The following ATP1B3 variants were observed in gnomAD, a reference collection of about 807,000 sequenced individuals.
ATP1B3 encodes the protein sodium/potassium-transporting ATPase subunit beta-3.
In ATP1B3, 10 loss-of-function variants were observed where a neutral mutation model predicts 30.2. The ratio of observed to expected loss-of-function variants is 0.33; its 90% confidence interval spans 0.20 to 0.56. The LOEUF is 0.56. ATP1B3 is among the 20% of genes least tolerant of loss of function. The probability of loss-of-function intolerance (pLI) is 0.90; values close to 1 mark genes in which losing one functional copy is unlikely to be tolerated. For missense variants in ATP1B3, 238 were observed against 336.7 expected, an observed-to-expected ratio of 0.71 and a Z score of 2.29; for synonymous variants, 113 against 117.0, an observed-to-expected ratio of 0.97 and a Z score of 0.22.
chr3:141,886,632 C>G (rs879927385), intron 1 of ATP1B3, among the ~76,000 whole-genome samples: 15 of 152,080 alleles, frequency 9.9e-5, no homozygotes, highest in Non-Finnish European at 7.4e-5. Flanking sequence ...ACTCATAGAC[C>G]TAAATTCTAG....
chr3:141,889,399 G>C (rs930679866), intron 1 of ATP1B3, among the ~76,000 whole-genome samples: 12 of 151,892 alleles, frequency 7.9e-5, no homozygotes, highest in Non-Finnish European at 1.8e-4. Flanking sequence ...ACTGAGAAAT[G>C]GAATTGCCAG....
At chr3:141,919,620 T>TA (rs1430947535) in intron 5 of ATP1B3, among the ~76,000 whole-genome samples, 1 of 152,150 alleles carries the variant, frequency 6.6e-6, no homozygotes, top group Non-Finnish European at 1.5e-5. Flanking sequence ...AGTAGGTTCT[T>TA]AGAGTTAGTT....
chr3:141,887,522 A>T (rs1415279072), intron 1 of ATP1B3, among the ~76,000 whole-genome samples: 1 of 152,198 alleles, frequency 6.6e-6, no homozygotes, highest in Non-Finnish European at 1.5e-5. Context: ...AGGTAAATAT[A>T]TACCCACCCC....
chr3:141,919,799 C>T (rs376205038), intron 5 of ATP1B3, among the ~76,000 whole-genome samples: 5 of 152,058 alleles, frequency 3.3e-5, no homozygotes, highest in South Asian at 2.1e-4. Context: ...ATGAGCCTGA[C>T]GTGGTGGCAT....
Position 141,913,980 on chromosome 3 carries a change from A to G in ATP1B3, c.531+144A>G, listed in dbSNP as rs2288634. 79,578 of 741,570 alleles carry G rather than the reference A, an allele frequency of 0.11. 5,037 individuals are homozygous for G. The highest frequency in any genetic ancestry group is 0.18 in the East Asian group (6,446 of 35,216). The allele number at this position is 741,570 out of a possible 1,614,324, so 45.9% of individuals were successfully genotyped here. On this transcript the variant is annotated intron_variant, in intron 4 of 6. Coordinates refer to ENST00000286371, the MANE Select transcript of ATP1B3 (RefSeq NM_001679.4). Reference sequence around the variant, plus strand: ...GGGGTAGCTTGCTTTAAAGACTAGCAGTAATGTTTATTGATCACTGGAAGA... The same window carrying G: ...GGGGTAGCTTGCTTTAAAGACTAGCGGTAATGTTTATTGATCACTGGAAGA...
At position 141,926,341 on chromosome 3, in the gene ATP1B3, T is replaced by C. The variant is rs1490776664; in HGVS notation, c.*640T>C. 6.6e-6 allele frequency: 1 copy of C among 152,192 alleles called. No homozygotes were observed. The highest frequency in any genetic ancestry group is 2.4e-5 in the African/African-American group (1 of 41,460). 9.4% of individuals were successfully genotyped at this position (152,192 alleles called of 1,614,324 possible). A position where few individuals can be genotyped will look rare whatever the true frequency, so the allele number is the denominator to read the frequency against. On this transcript the variant is annotated 3_prime_UTR_variant, in exon 7 of 7. Transcript: ENST00000286371. ...TTTTTAGTGTTGGAACTGCCTCTTA[T>C]TTTAGGCTGTAGATAAAATAGCATT...
At chr3:141,892,956 G>T (rs1054176304) in intron 1 of ATP1B3, among the ~76,000 whole-genome samples, 1 of 152,088 alleles carries the variant, frequency 6.6e-6, no homozygotes, top group Non-Finnish European at 1.5e-5. Context: ...AAACATCTTA[G>T]ATGTTACCAG....
At chr3:141,883,185 T>C (rs1016133887) in intron 1 of ATP1B3, among the ~76,000 whole-genome samples, 1 of 152,194 alleles carries the variant, frequency 6.6e-6, no homozygotes, top group African/African-American at 2.4e-5. Flanking sequence ...GAAAACATCT[T>C]TGAACTCCTC....
At chr3:141,915,763 A>G (rs1190605171) in intron 4 of ATP1B3, among the ~76,000 whole-genome samples, 1 of 152,194 alleles carries the variant, frequency 6.6e-6, no homozygotes, top group Non-Finnish European at 1.5e-5. Context: ...AAATTGCCCC[A>G]GTACAGTAAT....
chr3:141,921,860 G>A, intron 5 of ATP1B3, 117 bp from the exon 6 acceptor site: 1 of 552,660 alleles, frequency 1.8e-6, no homozygotes, highest in Non-Finnish European at 3.2e-6. Flanking sequence ...TAATATAGTT[G>A]GAGCAGCATT....
rs1223999616 is a variant in ATP1B3 at position 141,913,835 on chromosome 3, G to C, written c.530G>C (p.Arg177Thr). Residue 177 changes from arginine (R) to threonine (T), a missense_variant and splice_region_variant, in exon 4 of 7, where the codon AGA (arginine) becomes ACA (threonine). Arg to Thr is a moderately conservative substitution (Grantham distance 71). Coordinates refer to ENST00000286371, the MANE Select transcript of ATP1B3 (RefSeq NM_001679.4). ...GNPCILVKMN[R>T]IIGLKPEGVP... ...CCTTGTATTCTTGTGAAAATGAACAGAGTACGTACATATTTTACCTCTGCT... is the reference window on the plus strand; with the variant it reads ...CCTTGTATTCTTGTGAAAATGAACACAGTACGTACATATTTTACCTCTGCT... 1 of 1,606,606 alleles carries C rather than the reference G, an allele frequency of 6.2e-7. No homozygotes were observed.
intron 1 of ATP1B3, among the ~76,000 whole-genome samples, chr3:141,887,013 A>G (rs1004086162): frequency 2.0e-5 from 3 of 152,226 alleles, no homozygotes; most frequent in African/African-American, 7.2e-5. Context: ...AAAAAAAAGA[A>G]AAAAGACATT....
chr3:141,915,823 C>T, intron 4 of ATP1B3, 147 bp from the exon 5 acceptor site: 5 of 426,778 alleles, frequency 1.2e-5, no homozygotes, highest in Admixed American at 4.1e-5. Context: ...ATTTTAATAC[C>T]CTCAAATAAG....
Position 141,876,691 on chromosome 3 carries a change from A to C in ATP1B3, c.-111A>C, listed in dbSNP as rs1001164271. 5 of 730,836 alleles carry C rather than the reference A, an allele frequency of 6.8e-6. No homozygotes were observed. The highest frequency in any genetic ancestry group is 1.1e-5 in the Non-Finnish European group (5 of 446,560). 45.3% of individuals were successfully genotyped at this position (730,836 alleles called of 1,614,324 possible). ...ACGAGGAGGTGTTCTCGGCCGTCCC[A>C]CCCTTCACTGCCGTCTCCGGGCTGC... On this transcript the variant is annotated 5_prime_UTR_variant, in exon 1 of 7. Transcript: ENST00000286371.
At chr3:141,903,517 T>A (rs1576395459) in intron 1 of ATP1B3, 103 bp from the exon 2 acceptor site, 2 of 1,519,056 alleles carry the variant, frequency 1.3e-6, no homozygotes, top group East Asian at 4.6e-5. Context: ...AAGCTTGGGA[T>A]CGTACCCTTG....
chr3:141,894,648 A>G (rs1577961249), intron 1 of ATP1B3, among the ~76,000 whole-genome samples: 1 of 152,322 alleles, frequency 6.6e-6, no homozygotes, highest in South Asian at 2.1e-4. Flanking sequence ...AGTCAGAATC[A>G]TCAGTATCAC....
intron 5 of ATP1B3, among the ~76,000 whole-genome samples, chr3:141,921,026 C>G (rs2107779877): frequency 6.6e-6 from 1 of 152,192 alleles, no homozygotes; most frequent in Middle Eastern, 3.4e-3. Context: ...CTTAGTTTTG[C>G]TTTATGCTGT....
intron 5 of ATP1B3, chr3:141,921,609 A>G (rs1024484079): frequency 1.3e-5 from 2 of 157,340 alleles, no homozygotes; most frequent in African/African-American, 4.8e-5. Flanking sequence ...TCAGGAAAAC[A>G]TCGGTCCTAA....
At chr3:141,885,671 C>T (rs1474651933) in intron 1 of ATP1B3, among the ~76,000 whole-genome samples, 3 of 152,074 alleles carry the variant, frequency 2.0e-5, no homozygotes, top group African/African-American at 7.2e-5. Flanking sequence ...TGATCTCGAA[C>T]TCTTGACCTC....
Sources: gnomAD v4.1 joint callset for allele counts (sites outside exome capture counted in the v4.1 genomes callset) on GRCh38, gnomAD v4.1.1 for gene constraint, MANE v1.5 for transcripts, NCBI Gene and HGNC (gene_info 2026-07-23, HGNC 2026-07-21) for gene names.